The following GPHN variants were observed in gnomAD, a reference collection of about 807,000 sequenced individuals.
GPHN encodes the protein gephyrin.
A neutral mutation model predicts 95.5 loss-of-function variants in GPHN; 17 were observed. The observed-to-expected ratio is 0.18, with a 90% CI of 0.12 to 0.27. GPHN has a LOEUF of 0.27. Among genes scored for constraint, GPHN ranks in the 10% least tolerant of loss-of-function variants. GPHN has a pLI of 1.00. For missense variants in GPHN, 660 were observed against 978.1 expected, an observed-to-expected ratio of 0.67 and a Z score of 4.34; for synonymous variants, 320 against 322.5, an observed-to-expected ratio of 0.99 and a Z score of 0.08.
intron 12 of GPHN, among the ~76,000 whole-genome samples, chr14:67,093,637 A>G (rs984899919): frequency 1.3e-5 from 2 of 152,058 alleles, no homozygotes; most frequent in Non-Finnish European, 2.9e-5. Context: ...TTCTTTCCCA[A>G]TACTAACAAT....
intron 5 of GPHN, among the ~76,000 whole-genome samples, chr14:66,898,091 T>C (rs2064947563): frequency 6.6e-6 from 1 of 152,086 alleles, no homozygotes; most frequent in African/African-American, 2.4e-5. Context: ...AGTTTTTATG[T>C]GTTCTAGAAA....
rs183499352 is a variant in GPHN, at chr14:66,920,549, A to G, written c.457-2117A>G. On this transcript the variant is annotated intron_variant, in intron 6 of 22. Coordinates refer to ENST00000478722, the MANE Select transcript of GPHN (RefSeq NM_020806.5). ...CAGTGCATGCTTTTTTTTTTTTTAG[A>G]GAATGAATCTGATTCTGACCATCCA... is the stretch of plus-strand genomic sequence containing the variant. 2.7e-5 allele frequency among the ~76,000 whole-genome samples: 4 copies of G among 148,020 alleles called. No homozygotes were observed. The East Asian group carries it at 6.0e-4, about 22-fold the overall frequency.
chr14:67,656,368 C>T, the GPHN span: 1 of 1,474,426 alleles, frequency 6.8e-7, no homozygotes, highest in Non-Finnish European at 9.1e-7. Flanking sequence ...GTGCAGTGGC[C>T]CCCTAATTAC....
chr14:66,658,590 A>C (rs1175073870), intron 1 of GPHN, among the ~76,000 whole-genome samples: 2 of 152,184 alleles, frequency 1.3e-5, no homozygotes, highest in Admixed American at 1.3e-4. Flanking sequence ...TCCACTAACA[A>C]AAACTTTACA....
chr14:66,752,168 A>C lies in GPHN; in HGVS notation c.144-24296A>C, dbSNP rs139375226. ...TTGTTCTGAATTAGGCTTTGGCTTA[A>C]GGAAATGTTGTGGCTTCTATCAAGA... On this transcript the variant is annotated intron_variant, in intron 2 of 22. Transcript: ENST00000478722. Among the ~76,000 whole-genome samples the C allele has an allele frequency of 3.8e-3, 573 of 152,258 alleles. 1 individual carries two copies. Among genetic ancestry groups the C allele is most frequent in the African/African-American group, 0.013 (556 of 41,564 alleles).
At chr14:66,570,313 T>C (rs1388883429) in intron 1 of GPHN, among the ~76,000 whole-genome samples, 1 of 150,222 alleles carries the variant, frequency 6.7e-6, no homozygotes, top group Non-Finnish European at 1.5e-5. Flanking sequence ...TTTTTTTTTT[T>C]TTTGAGATGG....
chr14:67,647,944 A>G, the GPHN span: 1 of 1,136,456 alleles, frequency 8.8e-7, no homozygotes, highest in East Asian at 2.6e-5. Context: ...TACTAGGACT[A>G]ATAGCAACAA....
chr14:67,522,360 G>A, the GPHN span, among the ~76,000 whole-genome samples: 1 of 152,194 alleles, frequency 6.6e-6, no homozygotes, highest in Non-Finnish European at 1.5e-5. Flanking sequence ...CAAACTCCAA[G>A]CTGGTCACCT....
chr14:67,274,942 A>G, the GPHN span, among the ~76,000 whole-genome samples: 2 of 152,240 alleles, frequency 1.3e-5, no homozygotes, highest in South Asian at 2.1e-4. Flanking sequence ...TTGGTGTATA[A>G]GAATGCTTGT....
the GPHN span, among the ~76,000 whole-genome samples, chr14:67,275,998 G>T: frequency 1.3e-5 from 2 of 152,000 alleles, no homozygotes; most frequent in African/African-American, 4.8e-5. Flanking sequence ...GCATGTATTT[G>T]ATTCTTCTCT....
At chr14:66,983,636 T>C (rs978154556) in intron 9 of GPHN, among the ~76,000 whole-genome samples, 1 of 152,216 alleles carries the variant, frequency 6.6e-6, no homozygotes, top group African/African-American at 2.4e-5. Flanking sequence ...AATCAAGCAT[T>C]GATGAGTGGT....
the GPHN span, among the ~76,000 whole-genome samples, chr14:67,629,853 G>A: frequency 6.6e-6 from 1 of 152,154 alleles, no homozygotes; most frequent in South Asian, 2.1e-4. Context: ...GATTTGTGTG[G>A]ATCCGATAGA....
At chr14:67,086,762 A>C (rs1487494566) in intron 11 of GPHN, among the ~76,000 whole-genome samples, 1 of 149,850 alleles carries the variant, frequency 6.7e-6, no homozygotes, top group African/African-American at 2.5e-5. Flanking sequence ...TCTTCCGGCC[A>C]GGCGCGTGGC....
In GPHN at chr14:66,900,712, G is replaced by T. The variant is rs11849594; in HGVS notation, c.390-15291G>T. Among the ~76,000 whole-genome samples the T allele has an allele frequency of 2.1e-3, 313 of 151,990 alleles. 2 individuals carry two copies. The highest frequency in any genetic ancestry group is 7.2e-3 in the African/African-American group (299 of 41,498). ...TAGTTCCATCCATGTTCCTGCAAAT[G>T]ATAGGATTTCATTTTTTAATCAGTG... On this transcript the variant is annotated intron_variant, in intron 5 of 22. Coordinates refer to ENST00000478722, the MANE Select transcript of GPHN (RefSeq NM_020806.5).
the GPHN span, among the ~76,000 whole-genome samples, chr14:67,452,892 C>A: frequency 1.3e-5 from 2 of 152,170 alleles, no homozygotes; most frequent in Non-Finnish European, 2.9e-5. Context: ...GAAATGGAAC[C>A]CAAATCTGCT....
At chr14:67,405,881 C>T in the GPHN span, among the ~76,000 whole-genome samples, 133 of 152,186 alleles carry the variant, frequency 8.7e-4, 1 homozygote, top group Non-Finnish European at 3.8e-4. Flanking sequence ...TGCAGCCTCA[C>T]GAGAGACCCT....
intron 3 of GPHN, among the ~76,000 whole-genome samples, chr14:66,805,491 G>A (rs1043561863): frequency 6.6e-6 from 1 of 152,104 alleles, no homozygotes. Context: ...ACAGTCCAAA[G>A]TCTCATCCAA....
At chr14:66,760,898 CA>C in intron 2 of GPHN, 1 of 954,132 alleles carries the variant, frequency 1.0e-6, no homozygotes, top group Non-Finnish European at 1.6e-6. Context: ...TTCAGGATAT[CA>C]AAGAAGTCAA....
the GPHN span, chr14:67,472,807 A>T: frequency 6.5e-6 from 1 of 153,266 alleles, no homozygotes; most frequent in Non-Finnish European, 1.4e-5. Context: ...ATCCAGCACC[A>T]CGGGGGCCCC....
Sources: gnomAD v4.1 joint callset for allele counts (sites outside exome capture counted in the v4.1 genomes callset) on GRCh38, gnomAD v4.1.1 for gene constraint, MANE v1.5 for transcripts, NCBI Gene and HGNC (gene_info 2026-07-23, HGNC 2026-07-21) for gene names.